The following B3GALT1 variants were observed in gnomAD, a reference collection of about 807,000 sequenced individuals.
B3GALT1 encodes the protein beta-1,3-galactosyltransferase 1.
A neutral mutation model predicts 23.2 loss-of-function variants in B3GALT1; 10 were observed. The ratio of observed to expected loss-of-function variants is 0.43; its 90% CI spans 0.27 to 0.73. The LOEUF (loss-of-function observed/expected upper bound fraction) is 0.73. B3GALT1 is among the 30% of genes least tolerant of loss of function. The pLI is 0.21. For missense variants in B3GALT1, 299 were observed against 405.4 expected (o/e 0.74, Z 2.25); for synonymous variants, 156 against 141.5 (o/e 1.10, Z -0.73).
chr2:167,776,534 C>T (rs1688165694), intron 3 of B3GALT1, among the ~76,000 whole-genome samples: 1 of 152,178 alleles, frequency 6.6e-6, no homozygotes, highest in African/African-American at 2.4e-5. Context: ...CCATGGCAGG[C>T]ACTCAATACG....
chr2:167,508,064 G>A (rs1699947664), intron 2 of B3GALT1, among the ~76,000 whole-genome samples: 1 of 151,872 alleles, frequency 6.6e-6, no homozygotes, highest in Non-Finnish European at 1.5e-5. Context: ...CCTTTTATAA[G>A]GACACTAGTC....
intron 1 of B3GALT1, among the ~76,000 whole-genome samples, chr2:167,433,242 T>C (rs943155632): frequency 3.3e-5 from 5 of 152,198 alleles, no homozygotes; most frequent in Non-Finnish European, 5.9e-5. Context: ...TTAAGTTTCC[T>C]CCATGTCTTT....
intron 3 of B3GALT1, among the ~76,000 whole-genome samples, chr2:167,725,699 A>G (rs1464254017): frequency 2.0e-5 from 3 of 152,100 alleles, no homozygotes; most frequent in Admixed American, 1.3e-4. Context: ...GGAAAAATAT[A>G]CCCGAAAACC....
At chr2:167,767,246 A>G (rs867982374) in intron 3 of B3GALT1, among the ~76,000 whole-genome samples, 6 of 152,322 alleles carry the variant, frequency 3.9e-5, no homozygotes, top group African/African-American at 1.4e-4. Context: ...CAATTGGGGC[A>G]TCAACAAATT....
chr2:167,331,844 C>T (rs1696977882), intron 1 of B3GALT1, among the ~76,000 whole-genome samples: 2 of 152,164 alleles, frequency 1.3e-5, no homozygotes, highest in South Asian at 4.1e-4. Context: ...AGTTGCTTTC[C>T]CTGGGAGCAG....
At chr2:167,710,537 T>C (rs1424621047) in intron 3 of B3GALT1, among the ~76,000 whole-genome samples, 1 of 152,198 alleles carries the variant, frequency 6.6e-6, no homozygotes, top group Non-Finnish European at 1.5e-5. Flanking sequence ...GTTGTGCTTC[T>C]CAAAGCATTG....
At chr2:167,339,975 A>C (rs1697121559) in intron 1 of B3GALT1, among the ~76,000 whole-genome samples, 1 of 152,116 alleles carries the variant, frequency 6.6e-6, no homozygotes, top group Non-Finnish European at 1.5e-5. Context: ...AGAAACAAAA[A>C]TGGAGCTTGA....
At chr2:167,636,762 A>G (rs758091490) in intron 2 of B3GALT1, among the ~76,000 whole-genome samples, 5 of 152,094 alleles carry the variant, frequency 3.3e-5, no homozygotes, top group Admixed American at 6.6e-5. Context: ...GCATGTTCTC[A>G]CTCATAAGTG....
chr2:167,776,937 TTC>T (rs1289190228), intron 3 of B3GALT1, among the ~76,000 whole-genome samples: 3 of 148,734 alleles, frequency 2.0e-5, no homozygotes, highest in Non-Finnish European at 2.9e-5. Flanking sequence ...TGTGTGTTGC[TTC>T]TCTGTGTGTA....
At chr2:167,624,877 T>C (rs754986935) in intron 2 of B3GALT1, among the ~76,000 whole-genome samples, 2 of 152,008 alleles carry the variant, frequency 1.3e-5, no homozygotes, top group Non-Finnish European at 2.9e-5. Flanking sequence ...ATTAACTACT[T>C]TATGGAAAAA....
chr2:167,500,837 G>A (rs1305422403), intron 2 of B3GALT1, among the ~76,000 whole-genome samples: 3 of 152,186 alleles, frequency 2.0e-5, no homozygotes, highest in Non-Finnish European at 4.4e-5. Flanking sequence ...TGATTAATGG[G>A]AAGAAGTTGG....
At chr2:167,332,213 G>T (rs1243225437) in intron 1 of B3GALT1, among the ~76,000 whole-genome samples, 3 of 152,104 alleles carry the variant, frequency 2.0e-5, no homozygotes, top group Non-Finnish European at 4.4e-5. Flanking sequence ...GGACTGCTGG[G>T]GGCTCTCACT....
At chr2:167,331,103 G>GTA (rs2105239854) in intron 1 of B3GALT1, among the ~76,000 whole-genome samples, 1 of 152,112 alleles carries the variant, frequency 6.6e-6, no homozygotes, top group East Asian at 1.9e-4. Context: ...TTTTGGGGGG[G>GTA]TATGTAAATA....
intron 1 of B3GALT1, among the ~76,000 whole-genome samples, chr2:167,344,016 G>T (rs538140172): frequency 1.1e-4 from 16 of 152,294 alleles, no homozygotes; most frequent in African/African-American, 3.8e-4. Context: ...GGAGTATTGG[G>T]TGGCTATGGG....
chr2:167,529,794 G>A (rs1443650864), intron 2 of B3GALT1, among the ~76,000 whole-genome samples: 1 of 151,686 alleles, frequency 6.6e-6, no homozygotes, highest in African/African-American at 2.4e-5. Flanking sequence ...CTACCCCTCT[G>A]GTACAAGCCA....
At chr2:167,306,301 T>C (rs1224276038) in intron 1 of B3GALT1, among the ~76,000 whole-genome samples, 1 of 151,980 alleles carries the variant, frequency 6.6e-6, no homozygotes, top group Non-Finnish European at 1.5e-5. Flanking sequence ...AAAATGCACA[T>C]GCTTTAATGT....
chr2:167,441,458 CT>C (rs1698892356), intron 1 of B3GALT1, among the ~76,000 whole-genome samples: 1 of 152,156 alleles, frequency 6.6e-6, no homozygotes, highest in Non-Finnish European at 1.5e-5. Context: ...CAAGGATCTT[CT>C]GAGAAGGCTC....
chr2:167,434,609 A>G (rs1279572373), intron 1 of B3GALT1, among the ~76,000 whole-genome samples: 2 of 151,572 alleles, frequency 1.3e-5, no homozygotes, highest in Non-Finnish European at 2.9e-5. Context: ...AATCGTCCCC[A>G]GTTTATATGT....
At chr2:167,445,190 A>G (rs954695585) in intron 1 of B3GALT1, among the ~76,000 whole-genome samples, 1 of 152,224 alleles carries the variant, frequency 6.6e-6, no homozygotes, top group Non-Finnish European at 1.5e-5. Flanking sequence ...TGAGTTTCTC[A>G]ATCCTGAGTT....
Sources: gnomAD v4.1 joint callset for allele counts (sites outside exome capture counted in the v4.1 genomes callset) on GRCh38, gnomAD v4.1.1 for gene constraint, MANE v1.5 for transcripts, NCBI Gene and HGNC (gene_info 2026-07-23, HGNC 2026-07-21) for gene names.